Variants in OR14I1 observed in about 807,000 individuals in gnomAD.
The protein encoded by OR14I1 is olfactory receptor family 14 subfamily I member 1, also known as olfactory receptor 14I1.
For synonymous variants in OR14I1, 118 were observed against 71.1 expected, an observed-to-expected ratio of 1.66 and a Z score of -3.32; for missense variants, 279 against 181.8, an observed-to-expected ratio of 1.53 and a Z score of -3.07.
At chr1:248,682,531 A>C (rs1176156737), upstream of OR14I1, among the ~76,000 whole-genome samples, 1 of 152,194 alleles carries the variant, frequency 6.6e-6, no homozygotes, top group East Asian at 1.9e-4. Flanking sequence ...CAATTTCTAA[A>C]AGCTTTTGAT....
At chr1:248,695,056 G>A in the OR14I1 span, among the ~76,000 whole-genome samples, 1 of 152,060 alleles carries the variant, frequency 6.6e-6, no homozygotes, top group Non-Finnish European at 1.5e-5. Flanking sequence ...GCAGAGTAGG[G>A]TATGAAAGAG....
chr1:248,679,685 G>C (rs6686418), downstream of OR14I1, among the ~76,000 whole-genome samples: 101,772 of 151,922 alleles, frequency 0.67, 36,538 homozygotes, highest in South Asian at 0.81. Flanking sequence ...GCCTTATCAG[G>C]TATAGCTGGT....
At chr1:248,686,313 A>G (rs569841713), upstream of OR14I1, among the ~76,000 whole-genome samples, 1 of 152,328 alleles carries the variant, frequency 6.6e-6, no homozygotes, top group Non-Finnish European at 1.5e-5. Context: ...TACACTCAAC[A>G]AGATGGCCTC....
chr1:248,685,000 G>A (rs970857248), upstream of OR14I1, among the ~76,000 whole-genome samples: 1 of 151,862 alleles, frequency 6.6e-6, no homozygotes, highest in Admixed American at 6.6e-5. Context: ...CTAGATTTTG[G>A]ATATTTCATA....
chr1:248,684,546 C>G (rs1661611703), upstream of OR14I1, among the ~76,000 whole-genome samples: 1 of 152,096 alleles, frequency 6.6e-6, no homozygotes, highest in African/African-American at 2.4e-5. Flanking sequence ...CCCTAATTAC[C>G]ATCACTAGGA....
At chr1:248,678,301 C>T (rs1352937279), downstream of OR14I1, among the ~76,000 whole-genome samples, 1 of 152,178 alleles carries the variant, frequency 6.6e-6, no homozygotes, top group Non-Finnish European at 1.5e-5. Flanking sequence ...GAGGACATTC[C>T]ATTCAACATC....
upstream of OR14I1, among the ~76,000 whole-genome samples, chr1:248,685,237 A>G (rs1256696895): frequency 1.3e-5 from 2 of 151,980 alleles, no homozygotes; most frequent in South Asian, 2.1e-4. Context: ...AGTAATGGGG[A>G]CTCAGGTGAT....
exon 1 of OR14I1, chr1:248,681,410 T>C (rs148884002): frequency 1.6e-4 from 123 of 778,206 alleles, no homozygotes; most frequent in African/African-American, 1.5e-3. Context: ...AGTCTCCACA[T>C]GGCTGTTTTA....
chr1:248,678,434 C>T (rs1482402603), downstream of OR14I1, among the ~76,000 whole-genome samples: 1 of 152,136 alleles, frequency 6.6e-6, no homozygotes, highest in Non-Finnish European at 1.5e-5. Context: ...TCTCTGGCAA[C>T]ACTGAATCAA....
chr1:248,692,708 T>C, the OR14I1 span: 127,027 of 152,310 alleles, frequency 0.83, 53,332 homozygotes, highest in Admixed American at 0.88. Flanking sequence ...AGTGTTGCCT[T>C]CTGATCAACC....
chr1:248,688,499 T>G, the OR14I1 span, among the ~76,000 whole-genome samples: 1 of 152,260 alleles, frequency 6.6e-6, no homozygotes. Context: ...ACCCACCTTC[T>G]GTCTTTTAAC....
chr1:248,686,995 A>C (rs1572131528), upstream of OR14I1, among the ~76,000 whole-genome samples: 1 of 152,204 alleles, frequency 6.6e-6, no homozygotes, highest in South Asian at 2.1e-4. Context: ...ATTGGCTTCC[A>C]GAAGGAAGCC....
At chr1:248,694,551 C>G in the OR14I1 span, among the ~76,000 whole-genome samples, 3 of 151,754 alleles carry the variant, frequency 2.0e-5, no homozygotes, top group East Asian at 5.8e-4. Context: ...TGTTTTTTTC[C>G]CCTTAAAAGT....
At chr1:248,685,894 C>T (rs1440765109), upstream of OR14I1, among the ~76,000 whole-genome samples, 5 of 151,486 alleles carry the variant, frequency 3.3e-5, no homozygotes, top group Non-Finnish European at 7.4e-5. Context: ...AAATTGAGGA[C>T]ATACAAAACA....
At chr1:248,678,324 T>C (rs1661508086), downstream of OR14I1, among the ~76,000 whole-genome samples, 1 of 152,254 alleles carries the variant, frequency 6.6e-6, no homozygotes, top group South Asian at 2.1e-4. Context: ...AATATACTTT[T>C]ATTTCAAAGA....
chr1:248,685,328 C>G (rs1033845772), upstream of OR14I1, among the ~76,000 whole-genome samples: 4 of 152,104 alleles, frequency 2.6e-5, no homozygotes, highest in Non-Finnish European at 5.9e-5. Context: ...TTTGTTCTGA[C>G]TTTTTAATAG....
exon 1 of OR14I1, chr1:248,681,327 G>T (rs1212228472): frequency 1.8e-4 from 109 of 593,454 alleles, no homozygotes; most frequent in South Asian, 3.0e-4. Flanking sequence ...ATGCTTTTTT[G>T]GGGTTTTGTT....
At chr1:248,699,838 A>T in the OR14I1 span, among the ~76,000 whole-genome samples, 3 of 152,318 alleles carry the variant, frequency 2.0e-5, no homozygotes, top group East Asian at 5.8e-4. Flanking sequence ...GGCTCACTGC[A>T]AGCTCTGCCT....
At chr1:248,681,231 T>A (rs1324634751), downstream of OR14I1, 9 of 568,426 alleles carry the variant, frequency 1.6e-5, no homozygotes, top group East Asian at 2.6e-4. Context: ...AAATATTGTC[T>A]TTCTCCCATT....
Sources: allele counts gnomAD v4.1 joint callset (sites outside exome capture counted in the v4.1 genomes callset), GRCh38; gene constraint gnomAD v4.1.1; transcripts MANE v1.5; gene names NCBI Gene and HGNC (gene_info 2026-07-23, HGNC 2026-07-21).